The following NTRK2 variants were observed in gnomAD, a reference collection of about 807,000 sequenced individuals.
NTRK2 encodes BDNF/NT-3 growth factors receptor.
NTRK2 carries 13 observed loss-of-function variants against 94.5 expected under a neutral mutation model. That is an observed-to-expected ratio of 0.14 (90% CI 0.09 to 0.22). The LOEUF is 0.22. Among genes scored for constraint, NTRK2 ranks in the 10% least tolerant of loss-of-function variants. The pLI is 1.00. For synonymous variants in NTRK2, 372 were observed against 407.4 expected (o/e 0.91, Z 1.05); for missense variants, 639 against 1,071.2 (o/e 0.60, Z 5.63).
At chr9:84,742,031 C>A in intron 10 of NTRK2, 104 bp downstream of exon 10, 1 of 1,058,016 alleles carries the variant, frequency 9.5e-7, no homozygotes, top group Non-Finnish European at 1.4e-6. Context: ...TAAATTTACA[C>A]TTTAAGCATT....
chr9:84,925,182 C>G lies in NTRK2; in HGVS notation c.1634-8980C>G, dbSNP rs1050718094. 2.0e-5 allele frequency among the ~76,000 whole-genome samples: 3 copies of G among 150,688 alleles called. No individual in the cohort carries two copies. In the Admixed American group the frequency reaches 2.0e-4, roughly 10 times the overall value. ...CTCTTCCAGCAGTTATCTCCTCTGC[C>G]TTCTTCTCTTCTCTTCTTCTTTTTT... On this transcript the variant is annotated intron_variant, in intron 14 of 18. Transcript: ENST00000277120.
chr9:85,021,285 C>A lies in NTRK2; in HGVS notation c.2365C>A (p.Gln789Lys). ...GTGTATCACTCAGGGCCGAGTCCTGCAGCGACCCCGCACGTGCCCCCAGGA... is the reference window on the plus strand; with the variant it reads ...GTGTATCACTCAGGGCCGAGTCCTGAAGCGACCCCGCACGTGCCCCCAGGA... ...IECITQGRVL[Q>K]RPRTCPQEVY... The change falls in exon 19 of 19, where the codon CAG becomes AAG. Residue 789 changes from glutamine (Q) to lysine (K), a missense_variant. This residue lies in a region of NTRK2 where 77 missense variants were observed against 203.6 expected (regional missense o/e 0.38). Coordinates refer to ENST00000277120, the MANE Select transcript of NTRK2 (RefSeq NM_006180.6). 1 of 1,614,110 alleles carries A rather than the reference C, an allele frequency of 6.2e-7. No homozygotes were observed. The highest frequency in any genetic ancestry group is 8.5e-7 in the Non-Finnish European group (1 of 1,179,994).
chr9:84,720,374 T>A (rs2061983095), intron 6 of NTRK2, among the ~76,000 whole-genome samples: 1 of 152,182 alleles, frequency 6.6e-6, no homozygotes, highest in Admixed American at 6.5e-5. Context: ...ATAAAGAATA[T>A]GATGGATTTA....
chr9:84,970,590 A>G (rs1826078383), intron 17 of NTRK2, among the ~76,000 whole-genome samples: 1 of 152,138 alleles, frequency 6.6e-6, no homozygotes, highest in South Asian at 2.1e-4. Context: ...AGCGCTGGGC[A>G]GGGCAGTGTT....
intron 12 of NTRK2, among the ~76,000 whole-genome samples, chr9:84,854,189 C>T (rs554829651): frequency 6.6e-6 from 1 of 151,944 alleles, no homozygotes; most frequent in African/African-American, 2.4e-5. Flanking sequence ...GGGTAAATGA[C>T]CCAGCTTCCT....
At chr9:84,957,435 G>A (rs1440636530) in intron 17 of NTRK2, among the ~76,000 whole-genome samples, 1 of 152,192 alleles carries the variant, frequency 6.6e-6, no homozygotes, top group East Asian at 1.9e-4. Context: ...CAATTCGAAA[G>A]TAGGAGAAGG....
At chr9:84,813,083 A>C (rs766206799) in intron 12 of NTRK2, 2 of 1,039,514 alleles carry the variant, frequency 1.9e-6, no homozygotes, top group Non-Finnish European at 2.3e-6. Flanking sequence ...TTCCTAATGC[A>C]TGTGTTGCAT....
intron 2 of NTRK2, among the ~76,000 whole-genome samples, chr9:84,671,414 C>T (rs1208314188): frequency 6.6e-6 from 1 of 152,060 alleles, no homozygotes; most frequent in Non-Finnish European, 1.5e-5. Flanking sequence ...GTGACAGTCT[C>T]TCCCTTAACA....
intron 9 of NTRK2, among the ~76,000 whole-genome samples, chr9:84,728,661 C>T (rs996534550): frequency 5.9e-5 from 9 of 152,076 alleles, no homozygotes; most frequent in African/African-American, 2.2e-4. Flanking sequence ...TTTGCTTACC[C>T]GGGCTGACTG....
At chr9:84,931,730 A>AC (rs1050127955) in intron 14 of NTRK2, among the ~76,000 whole-genome samples, 17 of 151,376 alleles carry the variant, frequency 1.1e-4, no homozygotes, top group African/African-American at 3.6e-4. Flanking sequence ...AAAAAAAAAA[A>AC]CAAAAAAAAC....
chr9:84,971,918 G>T (rs1415242717), intron 17 of NTRK2, among the ~76,000 whole-genome samples: 1 of 152,152 alleles, frequency 6.6e-6, no homozygotes, highest in Non-Finnish European at 1.5e-5. Flanking sequence ...ATAGATTTCT[G>T]GCCAGAATAA....
At chr9:84,852,030 T>C (rs1448163022) in intron 12 of NTRK2, among the ~76,000 whole-genome samples, 1 of 152,208 alleles carries the variant, frequency 6.6e-6, no homozygotes, top group African/African-American at 2.4e-5. Flanking sequence ...CGGCCTTCCT[T>C]CACGCTGGGC....
intron 12 of NTRK2, among the ~76,000 whole-genome samples, chr9:84,780,044 G>GTT (rs766257033): frequency 2.7e-5 from 4 of 148,872 alleles, no homozygotes; most frequent in Non-Finnish European, 6.0e-5. Context: ...GGACTCTGCG[G>GTT]TTTTTTTTTT....
intron 12 of NTRK2, among the ~76,000 whole-genome samples, chr9:84,829,201 A>G (rs10121134): frequency 0.058 from 8,866 of 151,884 alleles, 327 homozygotes; most frequent in African/African-American, 0.092. Context: ...GTTTCGCCAT[A>G]TTGTCCAGGC....
At chr9:84,956,372 G>A (rs891643651) in intron 17 of NTRK2, among the ~76,000 whole-genome samples, 10 of 152,298 alleles carry the variant, frequency 6.6e-5, no homozygotes, top group South Asian at 2.1e-4. Flanking sequence ...ACTGGCCCCC[G>A]GGATATGTTA....
At chr9:84,867,100 A>G (rs1368830566) in intron 13 of NTRK2, 143 bp from the exon 14 acceptor site, 2 of 750,846 alleles carry the variant, frequency 2.7e-6, no homozygotes, top group Non-Finnish European at 4.4e-6. Context: ...CTACAAGTAG[A>G]TTATAGTGAT....
At chr9:84,688,233 G>A (rs146733614) in intron 2 of NTRK2, among the ~76,000 whole-genome samples, 1 of 152,308 alleles carries the variant, frequency 6.6e-6, no homozygotes, top group Admixed American at 6.5e-5. Context: ...ACAGAGTGAT[G>A]GACTCCAAAG....
In NTRK2 at chr9:85,025,896, C is replaced by G. The variant is rs563936931; in HGVS notation, c.*4459C>G. 18 of 224,324 alleles carry G rather than the reference C, an allele frequency of 8.0e-5. No homozygotes were observed. The South Asian group carries it at 3.1e-3, about 39-fold the overall frequency. The allele number at this position is 224,324 out of a possible 1,614,324, so 13.9% of individuals were successfully genotyped here. A position where few individuals can be genotyped will look rare whatever the true frequency, so the allele number is the denominator to read the frequency against. On this transcript the variant is annotated 3_prime_UTR_variant, in exon 19 of 19. Transcript: ENST00000277120. ...TAGCTTGTACATGAATTTCAAATGTCATTCTAAAGAATGAGGGGTGGGAGG... is the reference window on the plus strand; with the variant it reads ...TAGCTTGTACATGAATTTCAAATGTGATTCTAAAGAATGAGGGGTGGGAGG...
rs541950680 is a variant in NTRK2, at chr9:84,674,575, T to C, written c.212+3615T>C. ...CCCTCCATTGGGGGTTTTAGAACTT[T>C]GGACTGTGTCTTATATGCATTTAAG... On this transcript the variant is annotated intron_variant, in intron 2 of 18. Coordinates refer to ENST00000277120, the MANE Select transcript of NTRK2 (RefSeq NM_006180.6). 2.0e-5 allele frequency among the ~76,000 whole-genome samples: 3 copies of C among 152,376 alleles called. No homozygotes were observed. The South Asian group carries it at 6.2e-4, about 32-fold the overall frequency.
Sources: gnomAD v4.1 joint callset for allele counts (sites outside exome capture counted in the v4.1 genomes callset) on GRCh38, gnomAD v4.1.1 for gene constraint, gnomAD v4.1.1 regional missense constraint, MANE v1.5 for transcripts, NCBI Gene and HGNC (gene_info 2026-07-23, HGNC 2026-07-21) for gene names.